Variants in ST6GAL1 observed in about 807,000 individuals in gnomAD.
ST6GAL1 encodes the protein beta-galactoside alpha-2,6-sialyltransferase 1.
In ST6GAL1, 20 loss-of-function variants were observed where a neutral mutation model predicts 38.0. That is an observed-to-expected ratio of 0.53 (90% CI 0.37 to 0.77). The LOEUF (loss-of-function observed/expected upper bound fraction) is 0.77. ST6GAL1 is among the 30% of genes least tolerant of loss of function. ST6GAL1 has a pLI of 0.00. For missense variants in ST6GAL1, 432 were observed against 496.4 expected (o/e 0.87, Z 1.23); for synonymous variants, 196 against 188.2 (o/e 1.04, Z -0.34).
chr3:187,049,054 C>G (rs1196745800), intron 4 of ST6GAL1, among the ~76,000 whole-genome samples: 1 of 152,044 alleles, frequency 6.6e-6, no homozygotes, highest in African/African-American at 2.4e-5. Flanking sequence ...CCACGCCCAG[C>G]TAATTTTTGT....
chr3:186,993,556 TTTTATTTATTTATTTATTTA>T (rs71167027), intron 2 of ST6GAL1, among the ~76,000 whole-genome samples: 46 of 88,250 alleles, frequency 5.2e-4, no homozygotes, highest in African/African-American at 1.1e-3. Flanking sequence ...CTTGACAGAG[TTTTATTTATTTATTTATTTA>T]TTTATTTATT....
At chr3:187,069,847 A>G (rs143098999) in intron 5 of ST6GAL1, among the ~76,000 whole-genome samples, 3 of 152,116 alleles carry the variant, frequency 2.0e-5, no homozygotes, top group Non-Finnish European at 2.9e-5. Context: ...AGAGACAGGA[A>G]CACACATCCC....
chr3:187,073,923 C>T (rs1719471600), intron 6 of ST6GAL1: 3 of 367,828 alleles, frequency 8.2e-6, no homozygotes, highest in Non-Finnish European at 1.4e-5. Context: ...GATCTTGGGT[C>T]GCCAAGCTCA....
chr3:186,964,920 G>A (rs1447478617), intron 2 of ST6GAL1, among the ~76,000 whole-genome samples: 1 of 152,130 alleles, frequency 6.6e-6, no homozygotes, highest in African/African-American at 2.4e-5. Context: ...CATGAGTTGC[G>A]TGAATAAATG....
chr3:186,969,300 G>C (rs1040448118), intron 2 of ST6GAL1, among the ~76,000 whole-genome samples: 1 of 152,074 alleles, frequency 6.6e-6, no homozygotes, highest in Non-Finnish European at 1.5e-5. Flanking sequence ...TGATCTGCCC[G>C]CCTCAGCCCC....
intron 5 of ST6GAL1, among the ~76,000 whole-genome samples, chr3:187,067,358 A>G (rs959087131): frequency 5.7e-5 from 8 of 139,696 alleles, no homozygotes; most frequent in Admixed American, 1.4e-4. Context: ...AAGTGCTGGG[A>G]TTACAGGTGT....
chr3:186,962,981 G>A (rs1714981652), intron 1 of ST6GAL1, among the ~76,000 whole-genome samples: 1 of 152,086 alleles, frequency 6.6e-6, no homozygotes, highest in Admixed American at 6.6e-5. Flanking sequence ...ATAAAAACAA[G>A]AAACAGGTAG....
In ST6GAL1 at chr3:186,940,394, T is replaced by G. The variant is rs147208929; in HGVS notation, c.-325+9560T>G. 3.3e-5 allele frequency among the ~76,000 whole-genome samples: 5 copies of G among 152,378 alleles called. No homozygotes were observed. The East Asian group carries it at 9.6e-4, about 29-fold the overall frequency. ...GCAATGACTACTGTTTGCAGTTTGATGTCTGTCCTTCTAACCCCTTTGTAC... is the reference window on the plus strand; with the variant it reads ...GCAATGACTACTGTTTGCAGTTTGAGGTCTGTCCTTCTAACCCCTTTGTAC... On this transcript the variant is annotated intron_variant, in intron 1 of 7. Transcript: ENST00000169298.
chr3:187,016,730 T>A (rs534128373), intron 2 of ST6GAL1, among the ~76,000 whole-genome samples: 1 of 152,304 alleles, frequency 6.6e-6, no homozygotes, highest in East Asian at 1.9e-4. Flanking sequence ...AGCCCCTGCC[T>A]CCCAGGAGGC....
At chr3:186,942,578 C>T (rs116794630) in intron 1 of ST6GAL1, among the ~76,000 whole-genome samples, 291 of 152,242 alleles carry the variant, frequency 1.9e-3, no homozygotes, top group African/African-American at 6.8e-3. Flanking sequence ...GAATCGAGGG[C>T]ACCCACCGTG....
chr3:187,045,073 CAGCG>C (rs2108581969), intron 4 of ST6GAL1, among the ~76,000 whole-genome samples: 1 of 152,272 alleles, frequency 6.6e-6, no homozygotes, highest in East Asian at 1.9e-4. Context: ...GAGTTGCAGG[CAGCG>C]TGCCAGGCCC....
rs767335628 is a variant in ST6GAL1 at position 187,074,299 on chromosome 3, G to A, written c.945G>A (p.Glu315=). 1 of 1,601,590 alleles carries A rather than the reference G, an allele frequency of 6.2e-7. No individual in the cohort carries two copies. Among genetic ancestry groups the A allele is most frequent in the East Asian group, 2.3e-5 (1 of 44,236 alleles). The change falls in exon 7 of 8, where the codon GAG becomes GAA. Residue 315 remains glutamate (E), a synonymous_variant. Transcript: ENST00000169298. ...TTCTTCAAGAAATCTCCCCAGAAGA[G>A]ATTCAGCCAAACCCCCCATCCTCTG... ...WDILQEISPE[E]IQPNPPSSGM... is the part of the protein sequence containing the mutation.
chr3:186,975,576 A>G (rs1715495847), intron 2 of ST6GAL1, among the ~76,000 whole-genome samples: 2 of 152,158 alleles, frequency 1.3e-5, no homozygotes, highest in Admixed American at 6.5e-5. Context: ...CCTGTCCACA[A>G]CTGAACTTCC....
At chr3:186,983,086 A>G (rs1715748869) in intron 2 of ST6GAL1, among the ~76,000 whole-genome samples, 1 of 152,140 alleles carries the variant, frequency 6.6e-6, no homozygotes, top group African/African-American at 2.4e-5. Flanking sequence ...GTGGGCAGGA[A>G]TTGTAGTTTA....
chr3:187,062,008 A>G (rs920756013), intron 5 of ST6GAL1, among the ~76,000 whole-genome samples: 1 of 152,150 alleles, frequency 6.6e-6, no homozygotes, highest in Non-Finnish European at 1.5e-5. Context: ...TATATAGAAC[A>G]CTCTTCAAAC....
intron 1 of ST6GAL1, among the ~76,000 whole-genome samples, chr3:186,953,712 C>T (rs902445810): frequency 6.6e-6 from 1 of 152,102 alleles, no homozygotes; most frequent in Non-Finnish European, 1.5e-5. Context: ...GCATAATCCA[C>T]ATTTGTTGGC....
chr3:186,983,607 G>A (rs182451123), intron 2 of ST6GAL1, among the ~76,000 whole-genome samples: 1 of 152,234 alleles, frequency 6.6e-6, no homozygotes, highest in East Asian at 1.9e-4. Flanking sequence ...GGTAGTAAGA[G>A]GTGGAGAGAG....
intron 2 of ST6GAL1, among the ~76,000 whole-genome samples, chr3:186,988,299 G>A (rs1245099749): frequency 6.6e-6 from 1 of 152,096 alleles, no homozygotes; most frequent in Non-Finnish European, 1.5e-5. Context: ...GTGCTAATTT[G>A]TGTTGGTCAT....
At chr3:187,037,249 G>A (rs754629948) in intron 2 of ST6GAL1, among the ~76,000 whole-genome samples, 4 of 152,092 alleles carry the variant, frequency 2.6e-5, no homozygotes, top group Non-Finnish European at 4.4e-5. Flanking sequence ...AACTGCGGAC[G>A]AATGTAAATT....
Sources: gnomAD v4.1 joint callset for allele counts (sites outside exome capture counted in the v4.1 genomes callset) on GRCh38, gnomAD v4.1.1 for gene constraint, MANE v1.5 for transcripts, NCBI Gene and HGNC (gene_info 2026-07-23, HGNC 2026-07-21) for gene names.